The following WWOX variants were observed in gnomAD, a reference collection of about 807,000 sequenced individuals.
The protein encoded by WWOX is WW domain-containing oxidoreductase.
Under a neutral mutation model 46.2 loss-of-function variants are expected in WWOX, and 69 were observed. The ratio of observed to expected loss-of-function variants is 1.49; its 90% CI spans 1.23 to 1.82. The LOEUF (loss-of-function observed/expected upper bound fraction) is 1.82, where lower values mean the gene tolerates loss of function less well. WWOX is among the 40% of genes most tolerant of loss of function. The probability of loss-of-function intolerance (pLI) is 0.00; values close to 1 mark genes in which losing one functional copy is unlikely to be tolerated. For synonymous variants in WWOX, 359 were observed against 202.6 expected, an observed-to-expected ratio of 1.77 and a Z score of -6.56; for missense variants, 919 against 542.6, an observed-to-expected ratio of 1.69 and a Z score of -6.89.
chr16:78,842,613 C>G (rs148972535), intron 8 of WWOX, among the ~76,000 whole-genome samples: 2 of 152,264 alleles, frequency 1.3e-5, no homozygotes, highest in South Asian at 4.1e-4. Context: ...CCTGTAATCC[C>G]AGCACTTTGG....
intron 8 of WWOX, among the ~76,000 whole-genome samples, chr16:78,715,458 A>ACCCCAC (rs1462238065): frequency 6.7e-6 from 1 of 149,700 alleles, no homozygotes; most frequent in Non-Finnish European, 1.5e-5. Flanking sequence ...GTCTGACTCC[A>ACCCCAC]CCCCACCCCC....
chr16:78,330,537 C>T (rs1435768496), intron 5 of WWOX, among the ~76,000 whole-genome samples: 1 of 152,130 alleles, frequency 6.6e-6, no homozygotes, highest in Non-Finnish European at 1.5e-5. Context: ...GGTGAGACTA[C>T]AGGCGCATGC....
At chr16:78,727,566 C>T (rs2048866626) in intron 8 of WWOX, among the ~76,000 whole-genome samples, 2 of 152,174 alleles carry the variant, frequency 1.3e-5, no homozygotes, top group East Asian at 1.9e-4. Context: ...TCCTGAGTTC[C>T]AGTCCGTGGG....
chr16:78,901,480 A>G (rs1032035319), intron 8 of WWOX, among the ~76,000 whole-genome samples: 39 of 152,088 alleles, frequency 2.6e-4, no homozygotes, highest in African/African-American at 9.4e-4. Context: ...AGTAGCTGGT[A>G]GTCAGTGTTC....
At chr16:78,634,251 A>G (rs1422450735) in intron 8 of WWOX, among the ~76,000 whole-genome samples, 1 of 152,232 alleles carries the variant, frequency 6.6e-6, no homozygotes, top group Non-Finnish European at 1.5e-5. Context: ...CAGTTAGTTA[A>G]GTGTATGACA....
chr16:78,596,120 G>T lies in WWOX; in HGVS notation c.1056+163368G>T, dbSNP rs895380061. On this transcript the variant is annotated intron_variant, in intron 8 of 8. Transcript: ENST00000566780. ...GACTATATATGTATTATACATGGTA[G>T]GACTTATTTTTTTAATGTGAAAGAA... Among the ~76,000 whole-genome samples the T allele has an allele frequency of 3.9e-5, 6 of 151,976 alleles. No homozygotes were observed. In the East Asian group the frequency reaches 1.2e-3, roughly 29 times the overall value.
At chr16:79,082,823 A>G (rs982353572) in intron 8 of WWOX, among the ~76,000 whole-genome samples, 5 of 152,068 alleles carry the variant, frequency 3.3e-5, no homozygotes, top group Non-Finnish European at 5.9e-5. Flanking sequence ...TCAGCTTTAT[A>G]CCTTGTGTGT....
chr16:78,977,196 T>C (rs931398104), intron 8 of WWOX, among the ~76,000 whole-genome samples: 3 of 152,220 alleles, frequency 2.0e-5, no homozygotes, highest in Admixed American at 6.5e-5. Flanking sequence ...GAACCACTTA[T>C]TTTGGCAAGA....
At chr16:79,055,924 C>A (rs993216574) in intron 8 of WWOX, among the ~76,000 whole-genome samples, 1 of 152,184 alleles carries the variant, frequency 6.6e-6, no homozygotes, top group Non-Finnish European at 1.5e-5. Context: ...GGGAAGGTCT[C>A]CCAGATGTAA....
intron 8 of WWOX, among the ~76,000 whole-genome samples, chr16:78,865,444 C>T (rs74032406): frequency 6.6e-6 from 1 of 152,172 alleles, no homozygotes; most frequent in African/African-American, 2.4e-5. Context: ...ATGGCTCCTT[C>T]TCTTCCTTGC....
intron 6 of WWOX, among the ~76,000 whole-genome samples, chr16:78,390,367 A>G (rs1880526278): frequency 6.6e-6 from 1 of 152,168 alleles, no homozygotes; most frequent in Admixed American, 6.5e-5. Flanking sequence ...TTTTGTAATC[A>G]CCAAGCTCAA....
At chr16:78,968,029 C>T (rs1184918710) in intron 8 of WWOX, among the ~76,000 whole-genome samples, 2 of 152,208 alleles carry the variant, frequency 1.3e-5, no homozygotes, top group Non-Finnish European at 2.9e-5. Flanking sequence ...TCTACCATTC[C>T]TTGTGGCACA....
At position 78,940,110 on chromosome 16, in the gene WWOX, G is replaced by A. The variant is rs1009443099; in HGVS notation, c.1057-271498G>A. On this transcript the variant is annotated intron_variant, in intron 8 of 8. Coordinates refer to ENST00000566780, the MANE Select transcript of WWOX (RefSeq NM_016373.4). Reference sequence around the variant, plus strand: ...GGTGGTCATCATTTTATTTGGGCCAGGGTCTTCCGAGACTTGGGACAATAA... The same window carrying A: ...GGTGGTCATCATTTTATTTGGGCCAAGGTCTTCCGAGACTTGGGACAATAA... 2.0e-5 allele frequency among the ~76,000 whole-genome samples: 3 copies of A among 152,116 alleles called. No individual in the cohort carries two copies. In the East Asian group the frequency reaches 5.8e-4, roughly 29 times the overall value.
intron 8 of WWOX, among the ~76,000 whole-genome samples, chr16:78,572,349 C>T (rs1433531256): frequency 6.6e-6 from 1 of 152,192 alleles, no homozygotes; most frequent in African/African-American, 2.4e-5. Context: ...AATGCCAGCA[C>T]TTTGGAAGGC....
intron 8 of WWOX, among the ~76,000 whole-genome samples, chr16:78,968,307 C>A (rs1006877983): frequency 6.6e-6 from 1 of 152,192 alleles, no homozygotes; most frequent in East Asian, 1.9e-4. Flanking sequence ...AGGAATCCAA[C>A]AGGGAACTGT....
At chr16:78,394,489 A>G (rs1218575293) in intron 6 of WWOX, among the ~76,000 whole-genome samples, 1 of 152,128 alleles carries the variant, frequency 6.6e-6, no homozygotes, top group Non-Finnish European at 1.5e-5. Context: ...CCTAAGCAAA[A>G]TTTTGCCTTC....
At chr16:78,292,168 A>C (rs1163453710) in intron 5 of WWOX, among the ~76,000 whole-genome samples, 3 of 151,248 alleles carry the variant, frequency 2.0e-5, no homozygotes, top group African/African-American at 7.3e-5. Flanking sequence ...TTACAGAAAA[A>C]GTTTGCCACC....
rs1191677599 is a variant in WWOX at position 78,626,991 on chromosome 16, G to C, written c.1056+194239G>C. Among the ~76,000 whole-genome samples, 4 of 151,922 alleles carry C rather than the reference G, an allele frequency of 2.6e-5. No homozygotes were observed. The East Asian group carries it at 7.7e-4, about 29-fold the overall frequency. On this transcript the variant is annotated intron_variant, in intron 8 of 8. Transcript: ENST00000566780. ...CATGGTGTGGTGTGTTTTTATCTTT[G>C]GTTTTGTTTTCACTTCTTTTTTGCT...
intron 8 of WWOX, among the ~76,000 whole-genome samples, chr16:78,966,158 A>G (rs1332506114): frequency 6.6e-6 from 1 of 152,204 alleles, no homozygotes; most frequent in African/African-American, 2.4e-5. Flanking sequence ...ATTAAATCCC[A>G]TGATATAATT....
Sources: allele counts gnomAD v4.1 joint callset (sites outside exome capture counted in the v4.1 genomes callset), GRCh38; gene constraint gnomAD v4.1.1; transcripts MANE v1.5; gene names NCBI Gene and HGNC (gene_info 2026-07-23, HGNC 2026-07-21).